Variants in TAF2 observed in about 807,000 individuals in gnomAD.
TAF2 encodes the protein transcription initiation factor TFIID subunit 2.
In TAF2, 61 loss-of-function variants were observed where a neutral mutation model predicts 138.5. That is an observed-to-expected ratio of 0.44 (90% CI 0.36 to 0.54). TAF2 has a LOEUF of 0.54. Ranked by LOEUF, TAF2 falls within the 20% of genes least tolerant of loss-of-function variation. The pLI, the probability that TAF2 is intolerant of heterozygous loss-of-function variation, is 0.00. For synonymous variants in TAF2, 475 were observed against 469.9 expected, an observed-to-expected ratio of 1.01 and a Z score of -0.14; for missense variants, 1,090 against 1,427.9, an observed-to-expected ratio of 0.76 and a Z score of 3.81.
intron 25 of TAF2, among the ~76,000 whole-genome samples, chr8:119,735,745 A>C (rs937529739): frequency 1.3e-5 from 2 of 152,212 alleles, no homozygotes; most frequent in Non-Finnish European, 2.9e-5. Flanking sequence ...TATCTGATTT[A>C]GTTTCAGCCA....
At chr8:119,798,595 C>T (rs1342433147) in intron 6 of TAF2, among the ~76,000 whole-genome samples, 2 of 151,998 alleles carry the variant, frequency 1.3e-5, no homozygotes, top group Admixed American at 6.6e-5. Flanking sequence ...GAAAAGAGAA[C>T]GTCCCAGGGT....
chr8:119,776,558 G>T (rs1403016452), intron 18 of TAF2, among the ~76,000 whole-genome samples: 2 of 151,300 alleles, frequency 1.3e-5, no homozygotes, highest in Non-Finnish European at 3.0e-5. Context: ...GCGTAGTGGC[G>T]GGTACCTGTA....
intron 13 of TAF2, 77 bp from the exon 14 acceptor site, chr8:119,788,524 TATAAATCAA>T (rs1823190437): frequency 5.0e-6 from 5 of 1,006,804 alleles, no homozygotes; most frequent in Non-Finnish European, 7.3e-6. Flanking sequence ...TACAGAGAAA[TATAAATCAA>T]GATATAAAAT....
chr8:119,762,126 C>G (rs530854779), intron 19 of TAF2, among the ~76,000 whole-genome samples: 6 of 151,972 alleles, frequency 3.9e-5, no homozygotes, highest in African/African-American at 1.4e-4. Flanking sequence ...GACATCAAAG[C>G]AATGCTTATG....
intron 20 of TAF2, among the ~76,000 whole-genome samples, chr8:119,758,843 C>T (rs1586342179): frequency 6.6e-6 from 1 of 152,218 alleles, no homozygotes; most frequent in Admixed American, 6.5e-5. Flanking sequence ...TCATAGTTCA[C>T]ATTTAGACAT....
At chr8:119,781,508 T>C (rs1329573236) in intron 16 of TAF2, among the ~76,000 whole-genome samples, 2 of 151,948 alleles carry the variant, frequency 1.3e-5, no homozygotes, top group African/African-American at 4.8e-5. Context: ...TGAAACCCCA[T>C]CTATACAAAA....
At chr8:119,829,938 C>A (rs1826340211) in intron 2 of TAF2, among the ~76,000 whole-genome samples, 1 of 150,162 alleles carries the variant, frequency 6.7e-6, no homozygotes, top group South Asian at 2.1e-4. Flanking sequence ...CGGCTCCCTG[C>A]AAGTTCGCCT....
At chr8:119,783,146 G>C (rs1261231097) in intron 16 of TAF2, among the ~76,000 whole-genome samples, 1 of 152,096 alleles carries the variant, frequency 6.6e-6, no homozygotes, top group African/African-American at 2.4e-5. Context: ...AATTCTCTTT[G>C]ATTTTTAAAA....
chr8:119,781,751 G>A (rs1033473130), intron 16 of TAF2, among the ~76,000 whole-genome samples: 2 of 151,108 alleles, frequency 1.3e-5, no homozygotes, highest in African/African-American at 2.4e-5. Context: ...GCTATGGTGC[G>A]ATCATGGCTC....
rs60577662 is a variant in TAF2, at chr8:119,768,084, G to A, written c.2365-5476C>T. ...TCCCTTGCTCCAGCTGAGGGAGTCC[G>A]CCTTCCTCAGCGAAAGAACAGCAGC... On this transcript the variant is annotated intron_variant, in intron 18 of 25. Coordinates refer to ENST00000378164, the MANE Select transcript of TAF2 (RefSeq NM_003184.4). Among the ~76,000 whole-genome samples the A allele has an allele frequency of 5.8e-3, 890 of 152,292 alleles. 9 individuals are homozygous for A. Among genetic ancestry groups the A allele is most frequent in the African/African-American group, 0.02 (839 of 41,556 alleles).
intron 15 of TAF2, among the ~76,000 whole-genome samples, chr8:119,783,895 C>T (rs886593497): frequency 6.6e-6 from 1 of 152,020 alleles, no homozygotes; most frequent in Non-Finnish European, 1.5e-5. Flanking sequence ...TATTAATTGT[C>T]TTTTACAAAG....
chr8:119,793,979 A>C (rs1823635868), intron 9 of TAF2, among the ~76,000 whole-genome samples: 1 of 151,694 alleles, frequency 6.6e-6, no homozygotes, highest in South Asian at 2.1e-4. Context: ...CCCAGGCTGG[A>C]GTTCAGTAGC....
rs996776017 is a variant in TAF2 at position 119,814,824 on chromosome 8, G to A, written c.299+4522C>T. Among the ~76,000 whole-genome samples, 32 of 150,110 alleles carry A rather than the reference G, an allele frequency of 2.1e-4. No homozygotes were observed. The South Asian group carries it at 5.7e-3, about 27-fold the overall frequency. ...CTAGGGAAGCTGAGACAGGAGAATC[G>A]CTTGAACCCAGGAGGTGGAGGTTGC... is the stretch of plus-strand genomic sequence containing the variant. On this transcript the variant is annotated intron_variant, in intron 3 of 25. Transcript: ENST00000378164.
At chr8:119,810,659 AC>A (rs1824989486) in intron 3 of TAF2, among the ~76,000 whole-genome samples, 1 of 152,212 alleles carries the variant, frequency 6.6e-6, no homozygotes, top group Non-Finnish European at 1.5e-5. Context: ...TACTTAACAC[AC>A]CATCTAATTT....
intron 22 of TAF2, among the ~76,000 whole-genome samples, chr8:119,749,062 A>C (rs550589526): frequency 6.6e-6 from 1 of 152,348 alleles, no homozygotes; most frequent in African/African-American, 2.4e-5. Flanking sequence ...CGATGATCTC[A>C]AAATGAGTCA....
intron 2 of TAF2, among the ~76,000 whole-genome samples, chr8:119,827,407 CAATTT>C (rs1416353116): frequency 1.3e-5 from 2 of 152,218 alleles, no homozygotes; most frequent in East Asian, 1.9e-4. Flanking sequence ...CTATTCATCT[CAATTT>C]AATAACCCCA....
At chr8:119,742,723 T>C (rs1040374515) in intron 24 of TAF2, 67 bp from the exon 25 acceptor site, 3 of 1,577,436 alleles carry the variant, frequency 1.9e-6, no homozygotes, top group African/African-American at 2.7e-5. Context: ...AAAAAAAGGC[T>C]GACAGGTTTT....
intron 12 of TAF2, 22 bp downstream of exon 12, chr8:119,789,570 G>C (rs769524416): frequency 1.2e-6 from 2 of 1,611,868 alleles, no homozygotes; most frequent in East Asian, 2.2e-5. Context: ...CCACTCTGTT[G>C]AACTGCTATT....
At chr8:119,818,453 T>TTA (rs1395847921) in intron 3 of TAF2, among the ~76,000 whole-genome samples, 1 of 152,172 alleles carries the variant, frequency 6.6e-6, no homozygotes, top group African/African-American at 2.4e-5. Flanking sequence ...TAACCCAATG[T>TTA]TATCAAAGCT....
Sources: allele counts gnomAD v4.1 joint callset (sites outside exome capture counted in the v4.1 genomes callset), GRCh38; gene constraint gnomAD v4.1.1; transcripts MANE v1.5; gene names NCBI Gene and HGNC (gene_info 2026-07-23, HGNC 2026-07-21).